DPYS: variants seen among roughly 807,000 people sequenced by gnomAD.
The protein encoded by DPYS is dihydropyrimidinase.
DPYS carries 39 observed loss-of-function variants against 50.3 expected under a neutral mutation model. The observed-to-expected ratio is 0.78, with a 90% CI of 0.60 to 1.01. The LOEUF (loss-of-function observed/expected upper bound fraction) is 1.01. DPYS is among the 50% of genes least tolerant of loss of function. The probability of loss-of-function intolerance (pLI) is 0.00; values close to 1 mark genes in which losing one functional copy is unlikely to be tolerated. For missense variants in DPYS, 659 were observed against 680.9 expected (o/e 0.97, Z 0.36); for synonymous variants, 245 against 250.7 (o/e 0.98, Z 0.22).
chr8:104,391,623 A>G (rs894532103), intron 8 of DPYS, among the ~76,000 whole-genome samples: 6 of 152,220 alleles, frequency 3.9e-5, no homozygotes, highest in African/African-American at 1.4e-4. Flanking sequence ...CTTGTGTGAA[A>G]GCCCCAATAT....
chr8:104,424,520 G>C, intron 6 of DPYS, 131 bp from the exon 7 acceptor site: 2 of 959,070 alleles, frequency 2.1e-6, no homozygotes, highest in Admixed American at 4.3e-5. Context: ...AGCATCTGAG[G>C]ATGCTGGTAA....
intron 1 of DPYS, 47 bp from the exon 2 acceptor site, chr8:104,451,451 T>C (rs1293176924): frequency 1.2e-6 from 2 of 1,611,116 alleles, no homozygotes; most frequent in African/African-American, 1.3e-5. Flanking sequence ...AATTTCCTAG[T>C]TAAGTCATTT....
intron 3 of DPYS, among the ~76,000 whole-genome samples, chr8:104,445,024 A>G (rs1813481263): frequency 6.6e-6 from 1 of 152,248 alleles, no homozygotes; most frequent in African/African-American, 2.4e-5. Context: ...GCTCAACATC[A>G]CTGATCATCA....
chr8:104,421,915 T>C (rs1449950955), intron 7 of DPYS, among the ~76,000 whole-genome samples: 2 of 152,318 alleles, frequency 1.3e-5, no homozygotes, highest in African/African-American at 4.8e-5. Context: ...TAAATTTATA[T>C]AGTCTAAAAC....
At chr8:104,461,977 G>A (rs1321157906) in intron 1 of DPYS, among the ~76,000 whole-genome samples, 1 of 152,116 alleles carries the variant, frequency 6.6e-6, no homozygotes, top group Non-Finnish European at 1.5e-5. Context: ...GAAGGATAGG[G>A]AGCCAAATGT....
intron 7 of DPYS, among the ~76,000 whole-genome samples, chr8:104,397,391 A>G (rs959868761): frequency 6.6e-6 from 1 of 152,202 alleles, no homozygotes; most frequent in Admixed American, 6.5e-5. Context: ...GTGATGATCA[A>G]ATTAAAAGAT....
At chr8:104,441,618 G>A (rs577941304) in intron 4 of DPYS, among the ~76,000 whole-genome samples, 1 of 152,346 alleles carries the variant, frequency 6.6e-6, no homozygotes, top group African/African-American at 2.4e-5. Context: ...CACGAGCCAA[G>A]TAATTGGAGG....
chr8:104,466,177 G>T (rs6997991), intron 1 of DPYS, among the ~76,000 whole-genome samples: 8,414 of 152,150 alleles, frequency 0.055, 732 homozygotes, highest in African/African-American at 0.19. Flanking sequence ...TAACTACCAG[G>T]TGAATGGATT....
At chr8:104,465,337 G>C (rs1165276884) in intron 1 of DPYS, among the ~76,000 whole-genome samples, 1 of 152,072 alleles carries the variant, frequency 6.6e-6, no homozygotes, top group Non-Finnish European at 1.5e-5. Context: ...AGGGAGGAAG[G>C]AAGCCTACTA....
At chr8:104,449,763 T>C (rs1813667447) in intron 2 of DPYS, among the ~76,000 whole-genome samples, 1 of 152,184 alleles carries the variant, frequency 6.6e-6, no homozygotes, top group African/African-American at 2.4e-5. Flanking sequence ...CCAAAGGTTG[T>C]CAGCAAACTT....
At chr8:104,403,764 T>C (rs1331760659) in intron 7 of DPYS, among the ~76,000 whole-genome samples, 3 of 152,058 alleles carry the variant, frequency 2.0e-5, no homozygotes, top group Admixed American at 1.3e-4. Flanking sequence ...TGAGGTATGT[T>C]AGTAAAAGAG....
intron 8 of DPYS, among the ~76,000 whole-genome samples, chr8:104,389,002 G>T (rs984838083): frequency 6.6e-6 from 1 of 152,142 alleles, no homozygotes; most frequent in African/African-American, 2.4e-5. Flanking sequence ...TGCTCCTTCT[G>T]TGTGCAGTTT....
intron 3 of DPYS, among the ~76,000 whole-genome samples, chr8:104,445,527 A>G (rs1813496002): frequency 1.3e-5 from 2 of 152,218 alleles, no homozygotes; most frequent in Non-Finnish European, 2.9e-5. Flanking sequence ...CAGAAAGACA[A>G]ACATTGCATG....
Position 104,428,063 on chromosome 8 carries a change from G to T in DPYS, c.1009C>A (p.Leu337Ile). The T allele has an allele frequency of 6.2e-7, 1 of 1,614,230 alleles. No individual in the cohort carries two copies. The highest frequency in any genetic ancestry group is 8.5e-7 in the Non-Finnish European group (1 of 1,180,034). Residue 337 changes from leucine (L) to isoleucine (I), a missense_variant, in exon 6 of 10, where the codon CTT (leucine) becomes ATT (isoleucine). Leu to Ile is a conservative substitution (Grantham distance 5). Transcript: ENST00000351513. ...NCTFNTCQKA[L>I]GKDDFTKIPN... is the part of the protein sequence containing the mutation. ...ATCTTGGTAAAATCATCCTTCCCAA[G>T]AGCTTTCTGGCAGGTGTTGAAAGTG...
At chr8:104,455,455 T>G (rs1335034276) in intron 1 of DPYS, among the ~76,000 whole-genome samples, 2 of 152,012 alleles carry the variant, frequency 1.3e-5, no homozygotes, top group Non-Finnish European at 2.9e-5. Context: ...CTAGGATGAG[T>G]GAGACGATGG....
chr8:104,448,233 G>A (rs561834131), intron 2 of DPYS, among the ~76,000 whole-genome samples: 6 of 148,878 alleles, frequency 4.0e-5, no homozygotes, highest in Non-Finnish European at 8.9e-5. Context: ...TTGGTTCACT[G>A]CAACCTCCAC....
intron 2 of DPYS, among the ~76,000 whole-genome samples, chr8:104,448,552 C>T (rs920410672): frequency 1.3e-5 from 2 of 152,036 alleles, no homozygotes; most frequent in Non-Finnish European, 2.9e-5. Context: ...ACTGTTTGAA[C>T]TTCTATATGT....
At chr8:104,399,267 G>A (rs950317209) in intron 7 of DPYS, among the ~76,000 whole-genome samples, 1 of 141,140 alleles carries the variant, frequency 7.1e-6, no homozygotes, top group South Asian at 2.3e-4. Context: ...CTCCAGCCTG[G>A]GCAACAGAGT....
chr8:104,434,339 T>C (rs1813055234), intron 4 of DPYS, among the ~76,000 whole-genome samples: 1 of 152,170 alleles, frequency 6.6e-6, no homozygotes, highest in Non-Finnish European at 1.5e-5. Context: ...AAGGTCTGTG[T>C]TGATGTTAAA....
Sources: gnomAD v4.1 joint callset for allele counts (sites outside exome capture counted in the v4.1 genomes callset) on GRCh38, gnomAD v4.1.1 for gene constraint, MANE v1.5 for transcripts, NCBI Gene and HGNC (gene_info 2026-07-23, HGNC 2026-07-21) for gene names.